Variants in EPHA6 observed in about 807,000 individuals in gnomAD.
EPHA6 encodes the protein EPH receptor A6, also known as ephrin type-A receptor 6.
Under a neutral mutation model 112.0 loss-of-function variants are expected in EPHA6, and 50 were observed. The ratio of observed to expected loss-of-function variants is 0.45; its 90% CI spans 0.36 to 0.56. The LOEUF (loss-of-function observed/expected upper bound fraction) is 0.56. EPHA6 is among the 20% of genes least tolerant of loss of function. The pLI, the probability that EPHA6 is intolerant of heterozygous loss-of-function variation, is 0.00. For missense variants in EPHA6, 1,280 were observed against 1,417.4 expected, an observed-to-expected ratio of 0.90 and a Z score of 1.56; for synonymous variants, 529 against 490.7, an observed-to-expected ratio of 1.08 and a Z score of -1.03.
At chr3:97,122,104 T>C (rs2048058269) in intron 3 of EPHA6, among the ~76,000 whole-genome samples, 1 of 152,118 alleles carries the variant, frequency 6.6e-6, no homozygotes, top group Admixed American at 6.6e-5. Flanking sequence ...GTAGAATGAT[T>C]ACCATATTTG....
chr3:97,590,709 C>T (rs991079951), intron 11 of EPHA6, among the ~76,000 whole-genome samples: 2 of 152,070 alleles, frequency 1.3e-5, no homozygotes, highest in African/African-American at 2.4e-5. Context: ...GCTAAAATTG[C>T]ATTATTTTAG....
At chr3:96,985,136 G>T (rs1245382006) in intron 2 of EPHA6, among the ~76,000 whole-genome samples, 1 of 152,092 alleles carries the variant, frequency 6.6e-6, no homozygotes, top group Non-Finnish European at 1.5e-5. Flanking sequence ...CGTCTTCTGT[G>T]TCGCTCATGC....
intron 3 of EPHA6, among the ~76,000 whole-genome samples, chr3:97,163,261 G>T (rs898552264): frequency 6.6e-6 from 1 of 152,020 alleles, no homozygotes; most frequent in Non-Finnish European, 1.5e-5. Context: ...ACCAAGGCAG[G>T]TCTGGCATTT....
intron 7 of EPHA6, among the ~76,000 whole-genome samples, chr3:97,457,780 T>C (rs1019767359): frequency 2.0e-5 from 3 of 151,878 alleles, no homozygotes; most frequent in Non-Finnish European, 2.9e-5. Context: ...AAGAAGCAGC[T>C]TAATGGCCGG....
chr3:97,412,083 A>G (rs1433323515), intron 6 of EPHA6, among the ~76,000 whole-genome samples: 1 of 152,010 alleles, frequency 6.6e-6, no homozygotes, highest in Non-Finnish European at 1.5e-5. Context: ...CCATGGTGCC[A>G]TATTTGGGGA....
intron 3 of EPHA6, among the ~76,000 whole-genome samples, chr3:97,092,935 AGCTAG>A (rs1280747299): frequency 6.6e-6 from 1 of 152,088 alleles, no homozygotes; most frequent in Non-Finnish European, 1.5e-5. Context: ...TGATTCAGGG[AGCTAG>A]GCCTCTGCTA....
chr3:97,507,192 A>G (rs1422110748), intron 10 of EPHA6, among the ~76,000 whole-genome samples: 1 of 152,160 alleles, frequency 6.6e-6, no homozygotes, highest in Non-Finnish European at 1.5e-5. Flanking sequence ...CAGAACTTCC[A>G]ATACTTTGTT....
chr3:96,928,099 T>C (rs560820085), intron 2 of EPHA6, among the ~76,000 whole-genome samples: 1 of 152,160 alleles, frequency 6.6e-6, no homozygotes, highest in Non-Finnish European at 1.5e-5. Flanking sequence ...CATGATCACC[T>C]CTCGCCAGGT....
At chr3:96,891,455 T>C (rs572553607) in intron 2 of EPHA6, among the ~76,000 whole-genome samples, 5 of 151,756 alleles carry the variant, frequency 3.3e-5, no homozygotes, top group Admixed American at 2.6e-4. Context: ...TTTAAAATGC[T>C]GGTAAAACAC....
At chr3:97,548,738 T>A (rs2092991732) in intron 11 of EPHA6, among the ~76,000 whole-genome samples, 1 of 152,244 alleles carries the variant, frequency 6.6e-6, no homozygotes, top group Admixed American at 6.5e-5. Flanking sequence ...AGCACCCTAG[T>A]TGGTTTTTGT....
chr3:97,580,209 C>T (rs1292151896), intron 11 of EPHA6, among the ~76,000 whole-genome samples: 1 of 152,232 alleles, frequency 6.6e-6, no homozygotes, highest in Admixed American at 6.5e-5. Flanking sequence ...ATGTTTTCCT[C>T]TCCACATATA....
chr3:97,471,514 A>T (rs915412001), intron 7 of EPHA6, among the ~76,000 whole-genome samples: 3 of 151,668 alleles, frequency 2.0e-5, no homozygotes, highest in Admixed American at 1.3e-4. Context: ...TTAGACTCAT[A>T]TTTCTGAGCT....
intron 2 of EPHA6, among the ~76,000 whole-genome samples, chr3:96,948,110 CA>C (rs2041364223): frequency 6.6e-6 from 1 of 152,046 alleles, no homozygotes; most frequent in Non-Finnish European, 1.5e-5. Context: ...ATATTTTCCC[CA>C]ACTATTTTTA....
chr3:97,196,805 T>A (rs866192952), intron 3 of EPHA6, among the ~76,000 whole-genome samples: 2 of 151,984 alleles, frequency 1.3e-5, no homozygotes, highest in African/African-American at 4.8e-5. Context: ...AAGAGATTCT[T>A]GCTTCCTTCC....
chr3:97,365,234 TAA>T (rs1310734628), intron 5 of EPHA6, among the ~76,000 whole-genome samples: 1 of 152,106 alleles, frequency 6.6e-6, no homozygotes, highest in Non-Finnish European at 1.5e-5. Flanking sequence ...GATACATTTT[TAA>T]AGACTTTTAA....
intron 14 of EPHA6, among the ~76,000 whole-genome samples, chr3:97,684,224 A>G (rs1307760721): frequency 1.3e-5 from 2 of 152,184 alleles, no homozygotes; most frequent in African/African-American, 4.8e-5. Context: ...ATATTTTTCA[A>G]TTAATGAATG....
At position 96,987,569 on chromosome 3, in the gene EPHA6, C is replaced by T. The variant is rs201856782; in HGVS notation, c.690C>T (p.His230=). Reference sequence around the variant, plus strand: ...TTTATATGGAATCAGATGAGTCCCACGGAATTAAATTCAAGCCAAACCAGT... The same window carrying T: ...TTTATATGGAATCAGATGAGTCCCATGGAATTAAATTCAAGCCAAACCAGT... ...NLFYMESDES[H]GIKFKPNQYT... is the part of the protein sequence containing the mutation. Residue 230 remains histidine (H), a synonymous_variant, in exon 3 of 18, where the codon CAC becomes CAT. Coordinates refer to ENST00000389672, the MANE Select transcript of EPHA6 (RefSeq NM_001080448.3). 98 of 1,613,808 alleles carry T rather than the reference C, an allele frequency of 6.1e-5. No individual in the cohort carries two copies. The Admixed American group carries it at 8.7e-4, about 14-fold the overall frequency.
chr3:97,130,786 A>C (rs1338822093), intron 3 of EPHA6, among the ~76,000 whole-genome samples: 2 of 152,166 alleles, frequency 1.3e-5, no homozygotes, highest in Non-Finnish European at 2.9e-5. Context: ...ATTCTAGGCT[A>C]TGGGTACTTT....
intron 12 of EPHA6, among the ~76,000 whole-genome samples, chr3:97,597,868 G>C (rs1355796912): frequency 6.6e-6 from 1 of 152,126 alleles, no homozygotes; most frequent in African/African-American, 2.4e-5. Context: ...AGGATCTGGT[G>C]GATATAATAT....
Sources: allele counts gnomAD v4.1 joint callset (sites outside exome capture counted in the v4.1 genomes callset), GRCh38; gene constraint gnomAD v4.1.1; transcripts MANE v1.5; gene names NCBI Gene and HGNC (gene_info 2026-07-23, HGNC 2026-07-21).